KNOP1: variants seen among roughly 807,000 people sequenced by gnomAD.
KNOP1 encodes the protein lysine rich nucleolar protein 1.
Under a neutral mutation model 30.6 loss-of-function variants are expected in KNOP1, and 20 were observed. That is an observed-to-expected ratio of 0.65 (90% CI 0.46 to 0.95). The LOEUF is 0.95. KNOP1 is among the 40% of genes least tolerant of loss of function. KNOP1 has a pLI of 0.00. For missense variants in KNOP1, 540 were observed against 562.0 expected (o/e 0.96, Z 0.40); for synonymous variants, 204 against 210.0 (o/e 0.97, Z 0.25).
Position 19,710,546 on chromosome 16 carries a change from G to T in KNOP1, c.1028C>A (p.Ser343Ter). 1 of 1,612,552 alleles carries T rather than the reference G, an allele frequency of 6.2e-7. No individual in the cohort carries two copies. Among genetic ancestry groups the T allele is most frequent in the Non-Finnish European group, 8.5e-7 (1 of 1,180,042 alleles). The stretch of plus-strand genomic sequence containing the variant: ...GGTTTCAGAAGCTTCCGTTTTGCCT[G>T]ACTCGCGATCGATCTCTTCTTGCAA... ...KALQEEIDRESGKTEASETRK... is the reference protein window; with the variant it reads ...KALQEEIDRE The change falls in exon 4 of 5, where the codon TCA becomes TAA. Residue 343 changes from serine to a stop codon, truncating the protein, a stop_gained. Coordinates refer to ENST00000219837, the MANE Select transcript of KNOP1 (RefSeq NM_001012991.3). LOFTEE classifies it high-confidence loss of function.
At position 19,702,203 on chromosome 16, in the gene KNOP1, G is replaced by A. The variant is rs1368699794; in HGVS notation, c.*4707C>T. The stretch of plus-strand genomic sequence containing the variant: ...TCTCCATGTTGGTCAGGCTGGTCTA[G>A]AACTCCTGACCTCAGGTGATCCGCC... On this transcript the variant is annotated 3_prime_UTR_variant, in exon 5 of 5. Transcript: ENST00000219837. The A allele has an allele frequency of 1.3e-5, 2 of 152,162 alleles. No individual in the cohort carries two copies. The highest frequency in any genetic ancestry group is 2.9e-5 in the Non-Finnish European group (2 of 68,046). 9.4% of individuals were successfully genotyped at this position (152,162 alleles called of 1,614,324 possible).
chr16:19,716,633 G>C (rs966972339), intron 1 of KNOP1: 5 of 152,182 alleles, frequency 3.3e-5, no homozygotes, highest in Admixed American at 6.5e-5. Context: ...GCCTTGAACA[G>C]AACAAGCCTG....
At chr16:19,711,718 G>C (rs981932709) in intron 2 of KNOP1, 3 of 456,156 alleles carry the variant, frequency 6.6e-6, no homozygotes, top group Non-Finnish European at 4.0e-6. Flanking sequence ...CCACGGCTCA[G>C]GGACTGGTGA....
rs749227453 is a variant in KNOP1 at position 19,710,618 on chromosome 16, C to T, written c.988-32G>A. ...AAGAAGGATGACAGAAGAGGGCCGT[C>T]AGACAGAGATCTTCTTTCAAGCTTA... is the stretch of plus-strand genomic sequence containing the variant. On this transcript the variant is annotated intron_variant, in intron 3 of 4. Transcript: ENST00000219837. 13 of 1,566,124 alleles carry T rather than the reference C, an allele frequency of 8.3e-6. No individual in the cohort carries two copies. The African/African-American group carries it at 1.2e-4, about 15-fold the overall frequency.
Position 19,706,566 on chromosome 16 carries a change from A to G in KNOP1, c.*344T>C. 1 of 292,726 alleles carries G rather than the reference A, an allele frequency of 3.4e-6. No individual in the cohort carries two copies. The highest frequency in any genetic ancestry group is 2.3e-5 in the African/African-American group (1 of 44,198). The allele number at this position is 292,726 out of a possible 1,614,324, so 18.1% of individuals were successfully genotyped here. On this transcript the variant is annotated 3_prime_UTR_variant, in exon 5 of 5. Transcript: ENST00000219837. ...CAAACAGGGACGGAATGTTTAACAC[A>G]GAAAACAGGAGGTTTTAGCACTCAC...
rs1285492691 is a variant in KNOP1 at position 19,706,596 on chromosome 16, TCTC to T, written c.*311_*313del. On this transcript the variant is annotated 3_prime_UTR_variant, in exon 5 of 5. Coordinates refer to ENST00000219837, the MANE Select transcript of KNOP1 (RefSeq NM_001012991.3). ...ACAGGAGGTTTTAGCACTCACTCGT[TCTC>T]CTGGCTCCCGAAATATGAGCTGCCC... The T allele has an allele frequency of 5.9e-6, 2 of 339,910 alleles. No homozygotes were observed. Among genetic ancestry groups the T allele is most frequent in the Non-Finnish European group, 1.1e-5 (2 of 185,156 alleles). The allele number at this position is 339,910 out of a possible 1,614,324, so 21.1% of individuals were successfully genotyped here. A position where few individuals can be genotyped will look rare whatever the true frequency, so the allele number is the denominator to read the frequency against.
At chr16:19,716,326 G>A (rs1352737833) in intron 1 of KNOP1, 1 of 152,384 alleles carries the variant, frequency 6.6e-6, no homozygotes, top group African/African-American at 2.4e-5. Flanking sequence ...GTGTGGGAGG[G>A]AATAAGGTGT....
At position 19,705,450 on chromosome 16, in the gene KNOP1, G is replaced by C. The variant is rs992843891; in HGVS notation, c.*1460C>G. ...GACCTGGAGCTCTTTGAGGCTTGCT[G>C]TAGAGTCCAGGCTTGGAAACGCTGT... is the stretch of plus-strand genomic sequence containing the variant. On this transcript the variant is annotated 3_prime_UTR_variant, in exon 5 of 5. Coordinates refer to ENST00000219837, the MANE Select transcript of KNOP1 (RefSeq NM_001012991.3). 1 of 355,148 alleles carries C rather than the reference G, an allele frequency of 2.8e-6. No individual in the cohort carries two copies. Among genetic ancestry groups the C allele is most frequent in the Non-Finnish European group, 5.6e-6 (1 of 179,762 alleles). The allele number at this position is 355,148 out of a possible 1,614,324, so 22.0% of individuals were successfully genotyped here.
chr16:19,718,203 G>A lies in KNOP1; in HGVS notation c.-48C>T. The A allele has an allele frequency of 6.6e-7, 1 of 1,517,542 alleles. No homozygotes were observed. The allele number at this position is 1,517,542 out of a possible 1,614,324, so 94.0% of individuals were successfully genotyped here. On this transcript the variant is annotated 5_prime_UTR_variant, in exon 1 of 5. In the 5' UTR this introduces an upstream ATG that the reference lacks. Coordinates refer to ENST00000219837, the MANE Select transcript of KNOP1 (RefSeq NM_001012991.3). The stretch of plus-strand genomic sequence containing the variant: ...CCTCCACGTGAGAGCCAGCTCCGCC[G>A]TGACCCGGAAGTCCACTTCGAGTCG...
chr16:19,717,077 A>T (rs1417020748), intron 1 of KNOP1, among the ~76,000 whole-genome samples: 1 of 152,158 alleles, frequency 6.6e-6, no homozygotes, highest in Non-Finnish European at 1.5e-5. Context: ...TACTGGCCTC[A>T]GGTGATCCGC....
chr16:19,711,544 C>T, intron 2 of KNOP1, 104 bp from the exon 3 acceptor site: 1 of 1,039,128 alleles, frequency 9.6e-7, no homozygotes, highest in Admixed American at 1.8e-5. Context: ...GAAAAGACCT[C>T]AGACCACGGC....
intron 1 of KNOP1, among the ~76,000 whole-genome samples, chr16:19,715,816 A>G (rs1417109086): frequency 6.6e-6 from 1 of 152,170 alleles, no homozygotes; most frequent in Non-Finnish European, 1.5e-5. Flanking sequence ...TCTTGGACAG[A>G]TATCGTGGAA....
At chr16:19,710,753 C>T (rs1976670883) in intron 3 of KNOP1, among the ~76,000 whole-genome samples, 167 bp from the exon 4 acceptor site, 1 of 152,140 alleles carries the variant, frequency 6.6e-6, no homozygotes, top group Non-Finnish European at 1.5e-5. Context: ...CTCTTAGCAT[C>T]TCAAGGGCTG....
At position 19,703,643 on chromosome 16, in the gene KNOP1, C is replaced by T. The variant is rs1411183935; in HGVS notation, c.*3267G>A. On this transcript the variant is annotated 3_prime_UTR_variant, in exon 5 of 5. Transcript: ENST00000219837. ...TGGTGCAATCATGGCTCACTGCAGC[C>T]GTGATGGAGGGTGGTGCTCAAACCA... 4.0e-5 allele frequency: 6 copies of T among 151,750 alleles called. No homozygotes were observed. The highest frequency in any genetic ancestry group is 3.2e-3 in the Middle Eastern group (1 of 316). The allele number at this position is 151,750 out of a possible 1,614,324, so 9.4% of individuals were successfully genotyped here.
At chr16:19,716,201 C>CTGA (rs1183548436) in intron 1 of KNOP1, among the ~76,000 whole-genome samples, 12 of 152,186 alleles carry the variant, frequency 7.9e-5, no homozygotes, top group Admixed American at 7.9e-4. Context: ...TTCCAGTGTC[C>CTGA]TGCTCAGTGC....
Position 19,716,888 on chromosome 16 carries a change from G to T in KNOP1, c.-3+1270C>A, listed in dbSNP as rs1242785574. On this transcript the variant is annotated intron_variant, in intron 1 of 4. Transcript: ENST00000219837. ...GACAAGGTCTGGCTCTGTTGCCCAG[G>T]CTGGAGTGCAGTGGCATCATCTCGG... Among the ~76,000 whole-genome samples the T allele has an allele frequency of 5.9e-5, 9 of 152,328 alleles. No homozygotes were observed. In the East Asian group the frequency reaches 1.7e-3, roughly 29 times the overall value.
In KNOP1 at chr16:19,705,308, T is replaced by C. The variant is rs867523943; in HGVS notation, c.*1602A>G. On this transcript the variant is annotated 3_prime_UTR_variant, in exon 5 of 5. Transcript: ENST00000219837. ...TGGGCTGGGATGTCTGTAGGAGGCA[T>C]GTTCAGGCCAAACGATCGTGAAAAT... 2.0e-5 allele frequency: 9 copies of C among 453,788 alleles called. No homozygotes were observed. Among genetic ancestry groups the C allele is most frequent in the African/African-American group, 1.2e-4 (6 of 49,994 alleles). 28.1% of individuals were successfully genotyped at this position (453,788 alleles called of 1,614,324 possible). A position where few individuals can be genotyped will look rare whatever the true frequency, so the allele number is the denominator to read the frequency against.
At position 19,704,831 on chromosome 16, in the gene KNOP1, T is replaced by TTGTAGCACATACTTGTCCAAAC. The variant is rs543179895; in HGVS notation, c.*2078_*2079insGTTTGGACAAGTATGTGCTACA. 52 of 207,942 alleles carry TTGTAGCACATACTTGTCCAAAC rather than the reference T, an allele frequency of 2.5e-4. No homozygotes were observed. Among genetic ancestry groups the TTGTAGCACATACTTGTCCAAAC allele is most frequent in the Middle Eastern group, 2.0e-3 (1 of 498 alleles). The allele number at this position is 207,942 out of a possible 1,614,324, so 12.9% of individuals were successfully genotyped here. A position where few individuals can be genotyped will look rare whatever the true frequency, so the allele number is the denominator to read the frequency against. On this transcript the variant is annotated 3_prime_UTR_variant, in exon 5 of 5. Coordinates refer to ENST00000219837, the MANE Select transcript of KNOP1 (RefSeq NM_001012991.3). Reference sequence around the variant, plus strand: ...TGAGGGAAGTGGCCCAAGTAGGTCCTTGTAGCACATACTTGTCCAACTATT... The same window carrying TTGTAGCACATACTTGTCCAAAC: ...TGAGGGAAGTGGCCCAAGTAGGTCCTTGTAGCACATACTTGTCCAAACTGTAGCACATACTTGTCCAACTATT...
intron 2 of KNOP1, among the ~76,000 whole-genome samples, chr16:19,713,768 C>T (rs1387263484): frequency 6.6e-6 from 1 of 152,116 alleles, no homozygotes; most frequent in Non-Finnish European, 1.5e-5. Context: ...TAGCAAGTGG[C>T]AAGAGTTCAG....
Sources: gnomAD v4.1 joint callset for allele counts (sites outside exome capture counted in the v4.1 genomes callset) on GRCh38, gnomAD v4.1.1 for gene constraint, MANE v1.5 for transcripts, NCBI Gene and HGNC (gene_info 2026-07-23, HGNC 2026-07-21) for gene names.